The following LAMB1 variants were observed in gnomAD, a reference collection of about 807,000 sequenced individuals.
LAMB1 encodes laminin subunit beta 1.
A neutral mutation model predicts 222.3 loss-of-function variants in LAMB1; 121 were observed. That is an observed-to-expected ratio of 0.54 (90% CI 0.47 to 0.63). LAMB1 has a LOEUF of 0.63. LAMB1 is among the 30% of genes least tolerant of loss of function. The probability of loss-of-function intolerance (pLI) is 0.00; values close to 1 mark genes in which losing one functional copy is unlikely to be tolerated. For missense variants in LAMB1, 2,172 were observed against 2,240.8 expected (o/e 0.97, Z 0.62); for synonymous variants, 794 against 807.2 (o/e 0.98, Z 0.28).
chr7:108,001,975 G>A, intron 2 of LAMB1: 1 of 1,447,180 alleles, frequency 6.9e-7, no homozygotes, highest in South Asian at 1.5e-5. Flanking sequence ...CCAGCAGCGA[G>A]AGCCTCCCTC....
chr7:107,966,140 G>A (rs772234313), intron 13 of LAMB1, among the ~76,000 whole-genome samples: 1 of 152,010 alleles, frequency 6.6e-6, no homozygotes, highest in African/African-American at 2.4e-5. Flanking sequence ...CGACCCTGCC[G>A]CAGCATAGCT....
At chr7:107,953,486 T>C in intron 22 of LAMB1, 44 bp downstream of exon 22, 1 of 1,341,004 alleles carries the variant, frequency 7.5e-7, no homozygotes, top group East Asian at 2.3e-5. Context: ...GAAAAAAAGG[T>C]GGAAGTCATT....
chr7:107,939,196 T>C (rs1198574977), intron 25 of LAMB1, among the ~76,000 whole-genome samples: 1 of 152,096 alleles, frequency 6.6e-6, no homozygotes, highest in African/African-American at 2.4e-5. Flanking sequence ...TTGTGCTGTT[T>C]TGGGGGTTCC....
In LAMB1 at chr7:107,972,178, A is replaced by T. The variant is rs2033762779; in HGVS notation, c.1562+814T>A. Among the ~76,000 whole-genome samples the T allele has an allele frequency of 3.9e-5, 6 of 152,344 alleles. No homozygotes were observed. The South Asian group carries it at 1.0e-3, about 26-fold the overall frequency. On this transcript the variant is annotated intron_variant, in intron 13 of 33. Transcript: ENST00000222399. Reference sequence around the variant, plus strand: ...AACAGAACAAACCCAAATAAAGAGGACAAACACAACATGTTCTTGCTGCTG... The same window carrying T: ...AACAGAACAAACCCAAATAAAGAGGTCAAACACAACATGTTCTTGCTGCTG...
chr7:107,947,002 T>C (rs1356102690), intron 24 of LAMB1, among the ~76,000 whole-genome samples: 1 of 152,202 alleles, frequency 6.6e-6, no homozygotes, highest in Non-Finnish European at 1.5e-5. Context: ...TTTTGCTATC[T>C]ATGAATCAAC....
intron 20 of LAMB1, among the ~76,000 whole-genome samples, chr7:107,958,765 C>T (rs1173115839): frequency 6.6e-6 from 1 of 152,200 alleles, no homozygotes; most frequent in Admixed American, 6.5e-5. Context: ...ATTCAACTGA[C>T]ATTTGCTAAC....
chr7:107,948,209 A>T (rs927051351), intron 24 of LAMB1, among the ~76,000 whole-genome samples: 1 of 151,458 alleles, frequency 6.6e-6, no homozygotes, highest in Non-Finnish European at 1.5e-5. Context: ...CTGGTGTCGG[A>T]CTCCTGACCT....
Position 107,961,561 on chromosome 7 carries a change from G to A in LAMB1, c.1973C>T (p.Ser658Leu). Residue 658 changes from serine to leucine, a missense_variant, in exon 16 of 34, where the codon TCA (serine) becomes TTA (leucine). Ser to Leu is a moderately radical substitution (Grantham distance 145). Coordinates refer to ENST00000222399, the MANE Select transcript of LAMB1 (RefSeq NM_002291.3). ...CCGTCACACTGACCTTGAGCCTGGT[G>A]ATAATGACACCACCTGGTTGTCATC... ...PDDDNQVVSL[S>L]PGSRYVVLPR... 1.2e-6 allele frequency: 2 copies of A among 1,613,764 alleles called. No individual in the cohort carries two copies. Among genetic ancestry groups the A allele is most frequent in the South Asian group, 2.2e-5 (2 of 91,070 alleles).
Position 107,975,918 on chromosome 7 carries a change from T to A in LAMB1, c.1001-41A>T, listed in dbSNP as rs371897767. 2.6e-6 allele frequency: 4 copies of A among 1,565,322 alleles called. No individual in the cohort carries two copies. In the African/African-American group the frequency reaches 5.4e-5, roughly 21 times the overall value. ...AACGTCAAGAAAAGCTTTTTAAATC[T>A]ATGGACCAATGGAGGATGGGGGTGG... is the stretch of plus-strand genomic sequence containing the variant. On this transcript the variant is annotated intron_variant, in intron 9 of 33. Transcript: ENST00000222399.
intron 27 of LAMB1, chr7:107,932,731 T>TAAA: frequency 3.8e-6 from 1 of 259,980 alleles, no homozygotes; most frequent in South Asian, 6.4e-5. Flanking sequence ...AGTTAGAGTT[T>TAAA]AAAAAAAAAA....
In LAMB1 at chr7:107,973,037, C is replaced by T. The variant is rs2033781016; in HGVS notation, c.1517G>A (p.Gly506Glu). Residue 506 changes from glycine to glutamate, a missense_variant, in exon 13 of 34, where the codon GGA becomes GAA. Transcript: ENST00000222399. ...EHWGLSNDLDGCRPCDCDLGG... is the reference protein window; with the variant it reads ...EHWGLSNDLDECRPCDCDLGG... ...AAGGTCACAGTCACATGGTCGACATCCATCCAAATCATTGCTTAAGCCCCA... is the reference window on the plus strand; with the variant it reads ...AAGGTCACAGTCACATGGTCGACATTCATCCAAATCATTGCTTAAGCCCCA... The T allele has an allele frequency of 6.2e-7, 1 of 1,614,006 alleles. No homozygotes were observed. Among genetic ancestry groups the T allele is most frequent in the African/African-American group, 1.3e-5 (1 of 75,018 alleles).
intron 25 of LAMB1, 132 bp downstream of exon 25, chr7:107,939,857 C>T: frequency 1.9e-6 from 2 of 1,057,334 alleles, no homozygotes; most frequent in East Asian, 4.8e-5. Context: ...AAATAAATGG[C>T]TCAGAATCTG....
At position 107,962,889 on chromosome 7, in the gene LAMB1, T is replaced by C. The variant is rs760259791; in HGVS notation, c.1857+16A>G. 6.8e-6 allele frequency: 11 copies of C among 1,608,164 alleles called. No homozygotes were observed. The highest frequency in any genetic ancestry group is 8.5e-6 in the Non-Finnish European group (10 of 1,175,646). ...TCCCCTCCCTCCTCCACCAGTCCAC[T>C]AAGTGGTTTCTTTACCTGTGGCTCG... On this transcript the variant is annotated intron_variant, in intron 15 of 33. Coordinates refer to ENST00000222399, the MANE Select transcript of LAMB1 (RefSeq NM_002291.3).
At chr7:107,961,810 T>A in intron 15 of LAMB1, 134 bp from the exon 16 acceptor site, 2 of 990,840 alleles carry the variant, frequency 2.0e-6, no homozygotes, top group Non-Finnish European at 3.0e-6. Context: ...TCTTTACTAC[T>A]ACCTCTGCTA....
chr7:107,976,547 G>T (rs1332669548), intron 9 of LAMB1, among the ~76,000 whole-genome samples: 2 of 152,134 alleles, frequency 1.3e-5, no homozygotes, highest in Non-Finnish European at 2.9e-5. Flanking sequence ...AGGGAAGCTT[G>T]ACTCAGCCTG....
intron 26 of LAMB1, 53 bp downstream of exon 26, chr7:107,937,040 A>T: frequency 6.9e-7 from 1 of 1,449,818 alleles, no homozygotes; most frequent in Non-Finnish European, 9.6e-7. Flanking sequence ...TTAAAACGTT[A>T]GACATATCGT....
At chr7:107,971,068 A>G (rs2033739527) in intron 13 of LAMB1, among the ~76,000 whole-genome samples, 1 of 152,196 alleles carries the variant, frequency 6.6e-6, no homozygotes, top group African/African-American at 2.4e-5. Flanking sequence ...GTTAGTTGTC[A>G]ATATAATAGA....
intron 32 of LAMB1, among the ~76,000 whole-genome samples, chr7:107,925,371 A>G (rs1040697980): frequency 7.9e-5 from 12 of 152,196 alleles, no homozygotes; most frequent in African/African-American, 1.4e-4. Context: ...CACGAATCCT[A>G]TTGGGAACTG....
chr7:107,940,444 G>T, intron 24 of LAMB1, 86 bp from the exon 25 acceptor site: 1 of 1,390,704 alleles, frequency 7.2e-7, no homozygotes, highest in Non-Finnish European at 9.8e-7. Flanking sequence ...TCACTTCACT[G>T]TGAAAATGGG....
Sources: gnomAD v4.1 joint callset for allele counts (sites outside exome capture counted in the v4.1 genomes callset) on GRCh38, gnomAD v4.1.1 for gene constraint, MANE v1.5 for transcripts, NCBI Gene and HGNC (gene_info 2026-07-23, HGNC 2026-07-21) for gene names.